The following CDCA5 variants were observed in gnomAD, a reference collection of about 807,000 sequenced individuals.
CDCA5 encodes the protein sororin.
Under a neutral mutation model 25.7 loss-of-function variants are expected in CDCA5, and 14 were observed. The observed-to-expected ratio is 0.54, with a 90% CI of 0.36 to 0.85. The LOEUF (loss-of-function observed/expected upper bound fraction) is 0.85, where lower values mean the gene tolerates loss of function less well. CDCA5 is among the 40% of genes least tolerant of loss of function. The pLI, the probability that CDCA5 is intolerant of heterozygous loss-of-function variation, is 0.01. For synonymous variants in CDCA5, 127 were observed against 128.7 expected (o/e 0.99, Z 0.09); for missense variants, 307 against 324.5 (o/e 0.95, Z 0.41).
intron 2 of CDCA5, chr11:65,068,233 GT>G (rs1278869480): frequency 1.6e-6 from 1 of 628,600 alleles, no homozygotes; most frequent in African/African-American, 1.9e-5. Context: ...GGGCCCCATC[GT>G]CTGTATCCCC....
intron 1 of CDCA5, among the ~76,000 whole-genome samples, chr11:65,070,111 G>C (rs1318591635): frequency 2.0e-5 from 3 of 152,262 alleles, no homozygotes; most frequent in Admixed American, 6.5e-5. Context: ...AGAGCCGTGG[G>C]GTCCTGCGAA....
In CDCA5 at chr11:65,083,708, G is replaced by C; in HGVS notation, c.62C>G (p.Ser21Cys). The change falls in exon 2 of 6, where the codon TCT becomes TGT. Residue 21 changes from serine (S) to cysteine (C), a missense_variant. Transcript: ENST00000275517. ...AAQRSGPRAP[S>C]PTKPLRRSQR... The stretch of plus-strand genomic sequence containing the variant: ...GGACCTCCGCAGAGGCTTAGTAGGA[G>C]ATGGGGCCCTTGGCCCTGGAAAGAG... The C allele has an allele frequency of 1.9e-6, 3 of 1,613,786 alleles. No homozygotes were observed. The highest frequency in any genetic ancestry group is 2.5e-6 in the Non-Finnish European group (3 of 1,179,888).
chr11:65,083,204 G>A, intron 4 of CDCA5, 160 bp downstream of exon 4: 1 of 741,366 alleles, frequency 1.3e-6, no homozygotes, highest in Non-Finnish European at 2.3e-6. Flanking sequence ...AAGTCTTCAG[G>A]GAGTAATCAA....
chr11:65,075,553 G>C (rs1394886898), downstream of CDCA5, among the ~76,000 whole-genome samples: 1 of 152,038 alleles, frequency 6.6e-6, no homozygotes, highest in South Asian at 2.1e-4. Flanking sequence ...GCTGTGGGGT[G>C]GGGGGGATGT....
chr11:65,062,240 C>T (rs1241733701), downstream of CDCA5, among the ~76,000 whole-genome samples: 1 of 152,130 alleles, frequency 6.6e-6, no homozygotes, highest in Non-Finnish European at 1.5e-5. Context: ...TCTTAACTGG[C>T]CTCTCTGATT....
chr11:65,069,344 T>C (rs11227112), intron 1 of CDCA5, among the ~76,000 whole-genome samples: 8,861 of 151,676 alleles, frequency 0.058, 342 homozygotes, highest in African/African-American at 0.092. Context: ...ACAGACATGG[T>C]CCTTCTTCAC....
intron 4 of CDCA5, among the ~76,000 whole-genome samples, chr11:65,067,472 C>T (rs1947260790): frequency 1.3e-5 from 2 of 152,192 alleles, no homozygotes; most frequent in South Asian, 2.1e-4. Context: ...CTCCAGAGCC[C>T]GACATCCAGA....
In CDCA5 at chr11:65,077,789, G is replaced by A. The variant is rs1947475992; in HGVS notation, c.*1318C>T. 1.0e-6 allele frequency: 1 copy of A among 985,656 alleles called. No homozygotes were observed. Among genetic ancestry groups the A allele is most frequent in the Non-Finnish European group, 1.2e-6 (1 of 830,030 alleles). 61.1% of individuals were successfully genotyped at this position (985,656 alleles called of 1,614,324 possible). A position where few individuals can be genotyped will look rare whatever the true frequency, so the allele number is the denominator to read the frequency against. On this transcript the variant is annotated 3_prime_UTR_variant, in exon 6 of 6. Transcript: ENST00000275517. Reference sequence around the variant, plus strand: ...AGAGGGTTTTATTAGGGCCCGCCTGGCCTGCACCGTTTCATCCAAGTACCC... The same window carrying A: ...AGAGGGTTTTATTAGGGCCCGCCTGACCTGCACCGTTTCATCCAAGTACCC...
intron 4 of CDCA5, among the ~76,000 whole-genome samples, chr11:65,081,769 C>T (rs375301789): frequency 2.6e-5 from 4 of 152,026 alleles, no homozygotes; most frequent in Non-Finnish European, 4.4e-5. Flanking sequence ...AGTTCAAGAC[C>T]GGCCTGGGCA....
intron 6 of CDCA5, chr11:65,066,510 C>A: frequency 7.8e-7 from 1 of 1,289,222 alleles, no homozygotes; most frequent in South Asian, 1.2e-5. Context: ...CAGCATGGGG[C>A]AGCCGCCTCT....
At chr11:65,063,156 T>C (rs1947201223), downstream of CDCA5, among the ~76,000 whole-genome samples, 1 of 152,214 alleles carries the variant, frequency 6.6e-6, no homozygotes, top group Non-Finnish European at 1.5e-5. Flanking sequence ...CCCACCAGAC[T>C]GCCAAGGCAG....
rs1947494741 is a variant in CDCA5 at position 65,078,731 on chromosome 11, C to G, written c.*376G>C. The G allele has an allele frequency of 2.0e-6, 2 of 1,021,536 alleles. No homozygotes were observed. The highest frequency in any genetic ancestry group is 2.3e-6 in the Non-Finnish European group (2 of 854,260). 63.3% of individuals were successfully genotyped at this position (1,021,536 alleles called of 1,614,324 possible). A position where few individuals can be genotyped will look rare whatever the true frequency, so the allele number is the denominator to read the frequency against. On this transcript the variant is annotated 3_prime_UTR_variant, in exon 6 of 6. Transcript: ENST00000275517. ...AGCCCCTGGGCCTATTTCCAAGCAG[C>G]CACCCCTCCCAACAAGAGCAGAGGT... is the stretch of plus-strand genomic sequence containing the variant.
At chr11:65,074,085 G>A (rs1326590148), downstream of CDCA5, among the ~76,000 whole-genome samples, 3 of 152,204 alleles carry the variant, frequency 2.0e-5, no homozygotes, top group East Asian at 5.8e-4. Flanking sequence ...CTGCTGCACG[G>A]AGCATGGGAA....
chr11:65,080,357 TCTC>T (rs1947540941), intron 4 of CDCA5, among the ~76,000 whole-genome samples: 3 of 152,140 alleles, frequency 2.0e-5, no homozygotes. Context: ...GCATCCAGCC[TCTC>T]CTCTGACCAA....
intron 1 of CDCA5, 22 bp downstream of exon 1, chr11:65,083,911 C>T (rs1947633308): frequency 6.2e-7 from 1 of 1,609,370 alleles, no homozygotes; most frequent in South Asian, 1.1e-5. Context: ...GACCTCACGT[C>T]TCCCGCGCGC....
At chr11:65,066,911 A>C in intron 4 of CDCA5, 1 of 1,286,752 alleles carries the variant, frequency 7.8e-7, no homozygotes, top group Non-Finnish European at 1.0e-6. Flanking sequence ...CTCCCACCTC[A>C]GCCAGGCTTT....
downstream of CDCA5, among the ~76,000 whole-genome samples, chr11:65,073,363 G>A (rs569965884): frequency 2.6e-5 from 4 of 152,354 alleles, no homozygotes; most frequent in South Asian, 6.2e-4. Flanking sequence ...CACACAGCTA[G>A]AAGCTGGCAG....
chr11:65,065,847 C>T (rs1418766164), downstream of CDCA5, among the ~76,000 whole-genome samples: 7 of 151,882 alleles, frequency 4.6e-5, no homozygotes, highest in Admixed American at 2.0e-4. Context: ...GGATGCGGGC[C>T]CTTGGGGAGT....
rs1241501269 is a variant in CDCA5 at position 65,078,606 on chromosome 11, AG to A, written c.*500del. The A allele has an allele frequency of 1.0e-6, 1 of 986,618 alleles. No homozygotes were observed. Among genetic ancestry groups the A allele is most frequent in the Non-Finnish European group, 1.2e-6 (1 of 830,874 alleles). The allele number at this position is 986,618 out of a possible 1,614,324, so 61.1% of individuals were successfully genotyped here. A position where few individuals can be genotyped will look rare whatever the true frequency, so the allele number is the denominator to read the frequency against. On this transcript the variant is annotated 3_prime_UTR_variant, in exon 6 of 6. Coordinates refer to ENST00000275517, the MANE Select transcript of CDCA5 (RefSeq NM_080668.4). ...TCTCTGGGACTATTTACAGAATCAA[AG>A]GGGAAACCCACGGAACTGAAAACCT...
Sources: allele counts gnomAD v4.1 joint callset (sites outside exome capture counted in the v4.1 genomes callset), GRCh38; gene constraint gnomAD v4.1.1; transcripts MANE v1.5; gene names NCBI Gene and HGNC (gene_info 2026-07-23, HGNC 2026-07-21).